Variants in AGMO observed in about 807,000 individuals in gnomAD.
AGMO encodes glyceryl-ether monooxygenase.
In AGMO, 75 loss-of-function variants were observed where a neutral mutation model predicts 60.2. The observed-to-expected ratio is 1.25, with a 90% CI of 1.03 to 1.51. AGMO has a LOEUF of 1.51. Among genes scored for constraint, AGMO ranks in the 40% most tolerant of loss-of-function variants. The pLI is 0.00. For synonymous variants in AGMO, 261 were observed against 177.1 expected, an observed-to-expected ratio of 1.47 and a Z score of -3.76; for missense variants, 763 against 525.5, an observed-to-expected ratio of 1.45 and a Z score of -4.42.
At chr7:15,391,766 T>G (rs904151372) in intron 6 of AGMO, among the ~76,000 whole-genome samples, 1 of 152,104 alleles carries the variant, frequency 6.6e-6, no homozygotes, top group African/African-American at 2.4e-5. Flanking sequence ...TCTGAATTAG[T>G]AGGGAAGCAT....
At chr7:15,203,014 G>A (rs950278560) in intron 12 of AGMO, among the ~76,000 whole-genome samples, 2 of 152,070 alleles carry the variant, frequency 1.3e-5, no homozygotes, top group African/African-American at 4.8e-5. Context: ...TATTCAGCAA[G>A]CAACTAATAC....
chr7:15,245,930 C>T lies in AGMO; in HGVS notation c.1264-44571G>A, dbSNP rs530277079. 8.5e-5 allele frequency among the ~76,000 whole-genome samples: 13 copies of T among 152,254 alleles called. No homozygotes were observed. In the South Asian group the frequency reaches 2.7e-3, roughly 32 times the overall value. On this transcript the variant is annotated intron_variant, in intron 12 of 12. Transcript: ENST00000342526. ...ATCATCCCCAGGCAATCAGACACTACATAAATGTTTCCATTGTTCCTTTCC... is the reference window on the plus strand; with the variant it reads ...ATCATCCCCAGGCAATCAGACACTATATAAATGTTTCCATTGTTCCTTTCC...
chr7:15,442,073 G>T (rs915275412), intron 3 of AGMO, among the ~76,000 whole-genome samples: 7 of 152,110 alleles, frequency 4.6e-5, no homozygotes, highest in African/African-American at 1.7e-4. Flanking sequence ...GAATTTGCAA[G>T]GAATAAGGCT....
At chr7:15,512,012 C>A (rs77509018) in intron 3 of AGMO, among the ~76,000 whole-genome samples, 102 of 140,618 alleles carry the variant, frequency 7.3e-4, no homozygotes, top group East Asian at 8.3e-4. Flanking sequence ...AGAATACACA[C>A]AAAAAAAAAA....
intron 12 of AGMO, among the ~76,000 whole-genome samples, chr7:15,271,160 T>G (rs1274994378): frequency 6.6e-6 from 1 of 152,176 alleles, no homozygotes; most frequent in Non-Finnish European, 1.5e-5. Context: ...TGGCTCTGTT[T>G]GGGTTCCATA....
At chr7:15,301,349 G>T (rs1784554079) in intron 12 of AGMO, among the ~76,000 whole-genome samples, 1 of 151,984 alleles carries the variant, frequency 6.6e-6, no homozygotes, top group African/African-American at 2.4e-5. Flanking sequence ...TGTGGCAGAA[G>T]AATCACGTGA....
chr7:15,328,990 T>G (rs1347027422), intron 12 of AGMO, among the ~76,000 whole-genome samples: 6 of 152,136 alleles, frequency 3.9e-5, no homozygotes, highest in Non-Finnish European at 8.8e-5. Context: ...GTTTGCTCCT[T>G]TACCTCCTTC....
intron 12 of AGMO, among the ~76,000 whole-genome samples, chr7:15,251,006 C>G (rs1035391963): frequency 6.6e-6 from 1 of 151,584 alleles, no homozygotes; most frequent in Non-Finnish European, 1.5e-5. Flanking sequence ...ATTTCTGAAC[C>G]AACAAAGTTT....
intron 3 of AGMO, among the ~76,000 whole-genome samples, chr7:15,499,131 G>A (rs1249249909): frequency 6.6e-6 from 1 of 151,820 alleles, no homozygotes; most frequent in African/African-American, 2.4e-5. Context: ...CCTAGGGAAT[G>A]ATAGATAAAA....
At chr7:15,495,808 TG>T (rs1328044616) in intron 3 of AGMO, among the ~76,000 whole-genome samples, 2 of 149,670 alleles carry the variant, frequency 1.3e-5, no homozygotes, top group Admixed American at 6.8e-5. Flanking sequence ...CCTTTGTAAG[TG>T]GGGATGGAGA....
At chr7:15,493,359 ACAC>A (rs796693630) in intron 3 of AGMO, among the ~76,000 whole-genome samples, 1 of 84,960 alleles carries the variant, frequency 1.2e-5, no homozygotes, top group Admixed American at 1.5e-4. Flanking sequence ...ACACACACAC[ACAC>A]TTCTTTTTTT....
rs1783611188 is a variant in AGMO, at chr7:15,271,531, T to C, written c.1264-70172A>G. On this transcript the variant is annotated intron_variant, in intron 12 of 12. Coordinates refer to ENST00000342526, the MANE Select transcript of AGMO (RefSeq NM_001004320.2). ...ATGTTAATTTTGTATCTTGAAAATTTACAGAAGTCATTTGTCAAGTCCAGG... is the reference window on the plus strand; with the variant it reads ...ATGTTAATTTTGTATCTTGAAAATTCACAGAAGTCATTTGTCAAGTCCAGG... Among the ~76,000 whole-genome samples, 4 of 152,190 alleles carry C rather than the reference T, an allele frequency of 2.6e-5. 1 individual carries two copies. The South Asian group carries it at 8.3e-4, about 31-fold the overall frequency.
chr7:15,413,182 A>C (rs569184078), intron 5 of AGMO, among the ~76,000 whole-genome samples: 1 of 152,244 alleles, frequency 6.6e-6, no homozygotes, highest in Non-Finnish European at 1.5e-5. Flanking sequence ...ACATAAATGT[A>C]TAATATTTAA....
At chr7:15,150,302 G>C in the AGMO span, among the ~76,000 whole-genome samples, 1 of 151,846 alleles carries the variant, frequency 6.6e-6, no homozygotes, top group South Asian at 2.1e-4. Context: ...TATTTATCTT[G>C]CCTGATTGCT....
At chr7:15,366,274 G>T (rs1221173096) in intron 10 of AGMO, 52 bp from the exon 11 acceptor site, 1 of 1,388,810 alleles carries the variant, frequency 7.2e-7, no homozygotes, top group Non-Finnish European at 1.0e-6. Context: ...TTGTTAAAAG[G>T]TACACGAACG....
intron 3 of AGMO, among the ~76,000 whole-genome samples, chr7:15,535,562 G>A (rs758981369): frequency 3.3e-5 from 5 of 151,758 alleles, no homozygotes; most frequent in Admixed American, 6.6e-5. Flanking sequence ...TCACTACCTG[G>A]CATATTACAT....
At chr7:15,358,628 G>A (rs1011061547) in intron 12 of AGMO, among the ~76,000 whole-genome samples, 4 of 152,066 alleles carry the variant, frequency 2.6e-5, no homozygotes, top group African/African-American at 9.7e-5. Flanking sequence ...CCTGAGCTTA[G>A]CAGGGACTTC....
the AGMO span, among the ~76,000 whole-genome samples, chr7:15,192,860 G>A: frequency 2.0e-5 from 3 of 152,016 alleles, no homozygotes; most frequent in Non-Finnish European, 2.9e-5. Flanking sequence ...GGGGGTCAAG[G>A]AACTTTCCTG....
At chr7:15,154,119 C>G in the AGMO span, among the ~76,000 whole-genome samples, 1 of 151,964 alleles carries the variant, frequency 6.6e-6, no homozygotes, top group African/African-American at 2.4e-5. Context: ...TGATCATATA[C>G]CTAGAAAACC....
Sources: gnomAD v4.1 joint callset for allele counts (sites outside exome capture counted in the v4.1 genomes callset) on GRCh38, gnomAD v4.1.1 for gene constraint, MANE v1.5 for transcripts, NCBI Gene and HGNC (gene_info 2026-07-23, HGNC 2026-07-21) for gene names.